Variants in TNPO1 observed in about 807,000 individuals in gnomAD.
TNPO1 encodes transportin 1, also known as transportin-1.
In TNPO1, 8 loss-of-function variants were observed where a neutral mutation model predicts 119.5. That is an observed-to-expected ratio of 0.07 (90% CI 0.04 to 0.12). The LOEUF (loss-of-function observed/expected upper bound fraction) is 0.12. Among genes scored for constraint, TNPO1 ranks in the 10% least tolerant of loss-of-function variants. The probability of loss-of-function intolerance (pLI) is 1.00; values close to 1 mark genes in which losing one functional copy is unlikely to be tolerated. For missense variants in TNPO1, 576 were observed against 1,089.8 expected, an observed-to-expected ratio of 0.53 and a Z score of 6.64; for synonymous variants, 362 against 363.0, an observed-to-expected ratio of 1.00 and a Z score of 0.03.
intron 1 of TNPO1, among the ~76,000 whole-genome samples, chr5:72,819,634 GA>G (rs1743858289): frequency 6.6e-6 from 1 of 152,094 alleles, no homozygotes; most frequent in Non-Finnish European, 1.5e-5. Flanking sequence ...ACTCAGTACT[GA>G]AAAAAAGCTG....
intron 11 of TNPO1, among the ~76,000 whole-genome samples, chr5:72,883,462 C>T (rs1027485158): frequency 2.0e-5 from 3 of 152,158 alleles, no homozygotes; most frequent in African/African-American, 7.2e-5. Flanking sequence ...AACTACTAGT[C>T]AATATTCTGT....
chr5:72,851,391 AT>A (rs1312370489), intron 3 of TNPO1, 72 bp downstream of exon 3: 1 of 874,634 alleles, frequency 1.1e-6, no homozygotes, highest in Non-Finnish European at 1.8e-6. Context: ...AGAATTATTC[AT>A]TTCAAAGGAT....
intron 20 of TNPO1, among the ~76,000 whole-genome samples, chr5:72,899,001 G>T (rs2112482370): frequency 6.6e-6 from 1 of 152,080 alleles, no homozygotes; most frequent in African/African-American, 2.4e-5. Flanking sequence ...GTATTTACAT[G>T]TACGTACCTT....
chr5:72,894,442 C>T (rs766451209), intron 18 of TNPO1, among the ~76,000 whole-genome samples: 6 of 152,198 alleles, frequency 3.9e-5, no homozygotes, highest in Non-Finnish European at 7.3e-5. Flanking sequence ...AAGGCCAAGG[C>T]GGGCAGGTCA....
At chr5:72,854,266 A>G (rs1745812690) in intron 3 of TNPO1, among the ~76,000 whole-genome samples, 1 of 152,188 alleles carries the variant, frequency 6.6e-6, no homozygotes, top group Non-Finnish European at 1.5e-5. Context: ...ATGGGTTGTA[A>G]TTGAAAATGG....
chr5:72,832,700 C>T (rs1744527751), intron 1 of TNPO1, among the ~76,000 whole-genome samples: 1 of 151,924 alleles, frequency 6.6e-6, no homozygotes, highest in Non-Finnish European at 1.5e-5. Context: ...GTGTTTTTTC[C>T]CTTGATGGCA....
chr5:72,893,694 C>T lies in TNPO1; in HGVS notation c.2134C>T (p.Pro712Ser). 1.2e-6 allele frequency: 2 copies of T among 1,613,960 alleles called. No homozygotes were observed. The highest frequency in any genetic ancestry group is 1.7e-6 in the Non-Finnish European group (2 of 1,179,916). ...LTKACFQHVK[P>S]CIADFMPILG... is the part of the protein sequence containing the mutation. ...AAAAGCTTGCTTTCAGCATGTTAAGCCTTGTATAGGTATGAATATTTTCTA... is the reference window on the plus strand; with the variant it reads ...AAAAGCTTGCTTTCAGCATGTTAAGTCTTGTATAGGTATGAATATTTTCTA... Residue 712 changes from proline (P) to serine (S), a missense_variant, in exon 18 of 25, where the codon CCT (proline) becomes TCT (serine). Physicochemically the swap from Pro to Ser is moderately conservative, Grantham distance 74. Coordinates refer to ENST00000337273, the MANE Select transcript of TNPO1 (RefSeq NM_002270.4).
At chr5:72,886,696 A>G (rs374804056) in intron 11 of TNPO1, among the ~76,000 whole-genome samples, 18 of 151,976 alleles carry the variant, frequency 1.2e-4, no homozygotes, top group African/African-American at 4.4e-4. Context: ...CAGGAGTTTG[A>G]GACCATCCTG....
chr5:72,906,629 G>GT (rs780379872), intron 24 of TNPO1, among the ~76,000 whole-genome samples: 1 of 152,124 alleles, frequency 6.6e-6, no homozygotes, highest in Non-Finnish European at 1.5e-5. Context: ...GAAAGATTCT[G>GT]TTTTAATTTG....
chr5:72,844,361 A>G (rs1438628051), intron 1 of TNPO1, among the ~76,000 whole-genome samples: 1 of 152,202 alleles, frequency 6.6e-6, no homozygotes, highest in East Asian at 1.9e-4. Context: ...GGGTAGCTCT[A>G]AAGAGTGAGA....
intron 1 of TNPO1, among the ~76,000 whole-genome samples, chr5:72,846,914 T>A (rs1443022357): frequency 6.6e-6 from 1 of 152,176 alleles, no homozygotes; most frequent in African/African-American, 2.4e-5. Context: ...ATATACGAAG[T>A]CAGGCAAGAA....
intron 11 of TNPO1, among the ~76,000 whole-genome samples, chr5:72,884,610 C>T (rs2112427482): frequency 6.6e-6 from 1 of 152,276 alleles, no homozygotes; most frequent in South Asian, 2.1e-4. Context: ...AGCTAGCATT[C>T]TGGCCCACGC....
At chr5:72,894,505 A>G (rs1410194474) in intron 18 of TNPO1, among the ~76,000 whole-genome samples, 1 of 152,184 alleles carries the variant, frequency 6.6e-6, no homozygotes, top group Non-Finnish European at 1.5e-5. Context: ...CCCCGCTTCT[A>G]CTAAAAATAC....
At chr5:72,881,195 C>T (rs1748217171) in intron 9 of TNPO1, among the ~76,000 whole-genome samples, 1 of 152,070 alleles carries the variant, frequency 6.6e-6, no homozygotes, top group Admixed American at 6.5e-5. Flanking sequence ...ACTACAAGCT[C>T]CACCACCCGG....
Position 72,897,157 on chromosome 5 carries a change from A to G in TNPO1, c.2338+6A>G. The G allele has an allele frequency of 1.3e-6, 2 of 1,585,428 alleles. No homozygotes were observed. Among genetic ancestry groups the G allele is most frequent in the Non-Finnish European group, 8.6e-7 (1 of 1,166,158 alleles). On this transcript the variant is annotated splice_donor_region_variant and intron_variant, in intron 20 of 24. Transcript: ENST00000337273. ...GACGTTGTTAGAGAATACAGGTACC[A>G]TATGACTGAACTGTTTCAGTGAAGA...
intron 18 of TNPO1, 60 bp downstream of exon 18, chr5:72,893,763 T>C: frequency 6.9e-7 from 1 of 1,458,648 alleles, no homozygotes; most frequent in Non-Finnish European, 9.5e-7. Context: ...TACATCAGCT[T>C]TGTTTTTTTA....
At position 72,897,037 on chromosome 5, in the gene TNPO1, T is replaced by TC; in HGVS notation, c.2243-19_2243-18insC. 1 of 1,522,156 alleles carries TC rather than the reference T, an allele frequency of 6.6e-7. No individual in the cohort carries two copies. Among genetic ancestry groups the TC allele is most frequent in the Non-Finnish European group, 8.8e-7 (1 of 1,136,638 alleles). 94.3% of individuals were successfully genotyped at this position (1,522,156 alleles called of 1,614,324 possible). A position where few individuals can be genotyped will look rare whatever the true frequency, so the allele number is the denominator to read the frequency against. Reference sequence around the variant, plus strand: ...CAATTTTTTCTTTTTTGTTTTTTTCTTTTTGGGATGATCTCTAGGTATAGA... The same window carrying TC: ...CAATTTTTTCTTTTTTGTTTTTTTCTCTTTTGGGATGATCTCTAGGTATAGA... On this transcript the variant is annotated intron_variant, in intron 19 of 24. Transcript: ENST00000337273.
chr5:72,893,511 G>A lies in TNPO1; in HGVS notation c.2031G>A (p.Leu677=), dbSNP rs779645135. ...IEQLVARSNI[L]TLMYQCMQDK... is the part of the protein sequence containing the mutation. ...AGCTGGTAGCCCGAAGTAACATCCT[G>A]ACACTAATGTATCAGTGCATGCAGG... Residue 677 remains leucine, a synonymous_variant, in exon 17 of 25, where the codon CTG becomes CTA. Transcript: ENST00000337273. The A allele has an allele frequency of 6.2e-6, 10 of 1,614,072 alleles. No individual in the cohort carries two copies. The highest frequency in any genetic ancestry group is 8.5e-6 in the Non-Finnish European group (10 of 1,180,046).
Position 72,872,705 on chromosome 5 carries a change from T to C in TNPO1, c.663T>C (p.Ile221=). 6.2e-7 allele frequency: 1 copy of C among 1,608,670 alleles called. No individual in the cohort carries two copies. The highest frequency in any genetic ancestry group is 8.5e-7 in the Non-Finnish European group (1 of 1,177,408). ...GGACTCAAGCTCTAATGTTGCACAT[T>C]GATTCTTTTATTGAGGTAAGACTTG... The part of the protein sequence containing the change: ...ISRTQALMLH[I]DSFIENLFAL... The change falls in exon 7 of 25, where the codon ATT becomes ATC. Residue 221 remains isoleucine, a synonymous_variant. Transcript: ENST00000337273.
Sources: gnomAD v4.1 joint callset for allele counts (sites outside exome capture counted in the v4.1 genomes callset) on GRCh38, gnomAD v4.1.1 for gene constraint, MANE v1.5 for transcripts, NCBI Gene and HGNC (gene_info 2026-07-23, HGNC 2026-07-21) for gene names.